Variants in HNRNPLL observed in about 807,000 individuals in gnomAD.
HNRNPLL encodes heterogeneous nuclear ribonucleoprotein L like, also known as heterogeneous nuclear ribonucleoprotein L-like.
A neutral mutation model predicts 67.1 loss-of-function variants in HNRNPLL; 25 were observed. That is an observed-to-expected ratio of 0.37 (90% CI 0.27 to 0.52). HNRNPLL has a LOEUF of 0.52. Among genes scored for constraint, HNRNPLL ranks in the 20% least tolerant of loss-of-function variants. The pLI, the probability that HNRNPLL is intolerant of heterozygous loss-of-function variation, is 0.90. For synonymous variants in HNRNPLL, 267 were observed against 241.7 expected, an observed-to-expected ratio of 1.10 and a Z score of -0.97; for missense variants, 542 against 673.9, an observed-to-expected ratio of 0.80 and a Z score of 2.17.
chr2:38,602,299 A>G (rs1667474248), intron 1 of HNRNPLL, 139 bp downstream of exon 1: 1 of 775,380 alleles, frequency 1.3e-6, no homozygotes, highest in Non-Finnish European at 2.0e-6. Context: ...TACGAGCCCC[A>G]AAGAGAAGAG....
Position 38,583,909 on chromosome 2 carries a change from T to C in HNRNPLL, c.564A>G (p.Val188=). The C allele has an allele frequency of 6.5e-7, 1 of 1,531,652 alleles. No individual in the cohort carries two copies. The allele number at this position is 1,531,652 out of a possible 1,614,324, so 94.9% of individuals were successfully genotyped here. The part of the protein sequence containing the change: ...YPITVDVLYT[V]CNPVGKVQRI... Reference sequence around the variant, plus strand: ...GTTGCACTTTGCCAACAGGGTTGCATACAGTATATAAAACATCCTATGAAG... The same window carrying C: ...GTTGCACTTTGCCAACAGGGTTGCACACAGTATATAAAACATCCTATGAAG... Residue 188 remains valine, a synonymous_variant, in exon 4 of 13, where the codon GTA becomes GTG. Coordinates refer to ENST00000449105, the MANE Select transcript of HNRNPLL (RefSeq NM_138394.4).
chr2:38,602,104 T>G, intron 1 of HNRNPLL: 12 of 297,726 alleles, frequency 4.0e-5, no homozygotes, highest in Non-Finnish European at 4.4e-5. Context: ...GCCCGAGGAG[T>G]TAAACTAACA....
chr2:38,590,291 T>A (rs952910392), intron 2 of HNRNPLL, among the ~76,000 whole-genome samples: 6 of 152,226 alleles, frequency 3.9e-5, no homozygotes, highest in Admixed American at 3.3e-4. Flanking sequence ...CTGCTGGACA[T>A]CTCTGATCAC....
At chr2:38,597,512 A>C (rs1667244433) in intron 1 of HNRNPLL, among the ~76,000 whole-genome samples, 1 of 152,192 alleles carries the variant, frequency 6.6e-6, no homozygotes, top group Non-Finnish European at 1.5e-5. Context: ...GCGATGTTTA[A>C]TCACATTTTT....
chr2:38,570,898 A>G (rs1410128920), intron 8 of HNRNPLL, among the ~76,000 whole-genome samples: 1 of 151,872 alleles, frequency 6.6e-6, no homozygotes, highest in East Asian at 1.9e-4. Context: ...AAAATACAAA[A>G]CCAGCTGGGC....
At chr2:38,566,418 T>C (rs151019730) in intron 12 of HNRNPLL, among the ~76,000 whole-genome samples, 340 of 150,042 alleles carry the variant, frequency 2.3e-3, no homozygotes, top group Middle Eastern at 0.021. Context: ...GTTACTATTA[T>C]GGAGACAAAC....
intron 1 of HNRNPLL, 129 bp downstream of exon 1, chr2:38,602,297 CCAAAGAGAAGAG>C: frequency 1.3e-6 from 1 of 761,480 alleles, no homozygotes; most frequent in Non-Finnish European, 2.0e-6. Context: ...AATACGAGCC[CCAAAGAGAAGAG>C]TGGGCGCTTC....
intron 7 of HNRNPLL, among the ~76,000 whole-genome samples, chr2:38,574,159 T>A (rs1463753840): frequency 2.0e-5 from 3 of 151,840 alleles, no homozygotes; most frequent in Non-Finnish European, 4.4e-5. Flanking sequence ...CTTGCTAACT[T>A]TAGAGTAGCT....
At position 38,569,238 on chromosome 2, in the gene HNRNPLL, G is replaced by T. The variant is rs1573721677; in HGVS notation, c.1311C>A (p.Arg437=). Residue 437 remains arginine (R), a synonymous_variant, in exon 10 of 13, where the codon CGC becomes CGA. Coordinates refer to ENST00000449105, the MANE Select transcript of HNRNPLL (RefSeq NM_138394.4). ...TAGATGCTTGGCCAGCACTTGTAAAGCGATTATTTTTGCTCATTGCAAAAT... is the reference window on the plus strand; with the variant it reads ...TAGATGCTTGGCCAGCACTTGTAAATCGATTATTTTTGCTCATTGCAAAAT... The part of the protein sequence containing the change: ...YKDFAMSKNN[R]FTSAGQASKN... The T allele has an allele frequency of 6.2e-7, 1 of 1,613,002 alleles. No individual in the cohort carries two copies. The highest frequency in any genetic ancestry group is 1.1e-5 in the South Asian group (1 of 91,068).
rs1053996224 is a variant in HNRNPLL at position 38,563,321 on chromosome 2, T to A, written c.*861A>T. The A allele has an allele frequency of 3.9e-5, 6 of 152,164 alleles. No homozygotes were observed. Among genetic ancestry groups the A allele is most frequent in the Middle Eastern group, 3.4e-3 (1 of 294 alleles). The allele number at this position is 152,164 out of a possible 1,614,324, so 9.4% of individuals were successfully genotyped here. A position where few individuals can be genotyped will look rare whatever the true frequency, so the allele number is the denominator to read the frequency against. ...ACTGATGGATCCAAGAGTTAAAAAATAAAAATGTAAATATCCAAAATTCTA... is the reference window on the plus strand; with the variant it reads ...ACTGATGGATCCAAGAGTTAAAAAAAAAAAATGTAAATATCCAAAATTCTA... On this transcript the variant is annotated 3_prime_UTR_variant, in exon 13 of 13. Coordinates refer to ENST00000449105, the MANE Select transcript of HNRNPLL (RefSeq NM_138394.4).
At chr2:38,598,730 G>A (rs1558549340) in intron 1 of HNRNPLL, among the ~76,000 whole-genome samples, 1 of 152,192 alleles carries the variant, frequency 6.6e-6, no homozygotes, top group African/African-American at 2.4e-5. Flanking sequence ...CCTTGATTGT[G>A]CTACTGGCTC....
In HNRNPLL at chr2:38,597,172, A is replaced by G. The variant is rs146569822; in HGVS notation, c.189+5266T>C. On this transcript the variant is annotated intron_variant, in intron 1 of 12. Transcript: ENST00000449105. Reference sequence around the variant, plus strand: ...CAGTATAAACAAAGGTTCAATAAACATTAGTTGGCACATCCTACCTCATCC... The same window carrying G: ...CAGTATAAACAAAGGTTCAATAAACGTTAGTTGGCACATCCTACCTCATCC... 1.1e-3 allele frequency among the ~76,000 whole-genome samples: 163 copies of G among 152,380 alleles called. 2 individuals carry two copies. Among genetic ancestry groups the G allele is most frequent in the Non-Finnish European group, 1.8e-3 (121 of 68,034 alleles).
At chr2:38,577,753 C>T (rs183175838) in intron 6 of HNRNPLL, among the ~76,000 whole-genome samples, 54 of 152,204 alleles carry the variant, frequency 3.5e-4, no homozygotes, top group African/African-American at 1.3e-3. Context: ...TTGAATATAT[C>T]TTTTTGGCAA....
intron 1 of HNRNPLL, 61 bp downstream of exon 1, chr2:38,602,377 C>T: frequency 2.7e-6 from 4 of 1,495,798 alleles, no homozygotes; most frequent in Non-Finnish European, 3.6e-6. Context: ...GGCCCCGCAC[C>T]GAGGCCCTGC....
intron 3 of HNRNPLL, among the ~76,000 whole-genome samples, chr2:38,585,385 T>C (rs564129035): frequency 6.6e-6 from 1 of 152,350 alleles, no homozygotes; most frequent in South Asian, 2.1e-4. Context: ...TATAATTCCT[T>C]ATTATCAAAA....
At chr2:38,584,112 A>C (rs907448358) in intron 3 of HNRNPLL, among the ~76,000 whole-genome samples, 186 bp from the exon 4 acceptor site, 6 of 152,184 alleles carry the variant, frequency 3.9e-5, no homozygotes, top group African/African-American at 1.4e-4. Context: ...CCTAGGCTAG[A>C]GTGCAGTGGC....
Position 38,602,550 on chromosome 2 carries a change from T to C in HNRNPLL, c.77A>G (p.Lys26Arg). 1.3e-6 allele frequency: 2 copies of C among 1,565,060 alleles called. No individual in the cohort carries two copies. The highest frequency in any genetic ancestry group is 1.7e-6 in the Non-Finnish European group (2 of 1,155,638). ...GTAGTCGATCTCCCCCTCCTCGGTCTTGAGACGCTTGGCCTGGCTCTCGTA... is the reference window on the plus strand; with the variant it reads ...GTAGTCGATCTCCCCCTCCTCGGTCCTGAGACGCTTGGCCTGGCTCTCGTA... ...REYESQAKRL[K>R]TEEGEIDYSA... The change falls in exon 1 of 13, where the codon AAG (lysine) becomes AGG (arginine). Residue 26 changes from lysine (K) to arginine (R), a missense_variant. By Grantham distance (26) the Lys-to-Arg change is conservative (BLOSUM62 2). This residue lies in a region of HNRNPLL where 127 missense variants were observed against 98.7 expected (regional missense o/e 1.29). Coordinates refer to ENST00000449105, the MANE Select transcript of HNRNPLL (RefSeq NM_138394.4).
chr2:38,591,905 G>T (rs911469262), intron 1 of HNRNPLL, among the ~76,000 whole-genome samples: 2 of 152,086 alleles, frequency 1.3e-5, no homozygotes, highest in African/African-American at 4.8e-5. Context: ...GAATCCGGGA[G>T]GTGGAGGCTG....
At chr2:38,591,256 AG>A (rs149291694) in intron 2 of HNRNPLL, among the ~76,000 whole-genome samples, 2,506 of 152,316 alleles carry the variant, frequency 0.016, 63 homozygotes, top group African/African-American at 0.057. Flanking sequence ...TTTGAAAATC[AG>A]ATGAAAAGCA....
Sources: gnomAD v4.1 joint callset for allele counts (sites outside exome capture counted in the v4.1 genomes callset) on GRCh38, gnomAD v4.1.1 for gene constraint, gnomAD v4.1.1 regional missense constraint, MANE v1.5 for transcripts, NCBI Gene and HGNC (gene_info 2026-07-23, HGNC 2026-07-21) for gene names.